SMO: variants seen among roughly 807,000 people sequenced by gnomAD.
The protein encoded by SMO is protein smoothened.
Under a neutral mutation model 81.6 loss-of-function variants are expected in SMO, and 40 were observed. That is an observed-to-expected ratio of 0.49 (90% confidence interval 0.38 to 0.64). The LOEUF (loss-of-function observed/expected upper bound fraction) is 0.64. Among genes scored for constraint, SMO ranks in the 30% least tolerant of loss-of-function variants. The pLI, the probability that SMO is intolerant of heterozygous loss-of-function variation, is 0.00. For missense variants in SMO, 916 were observed against 1,061.1 expected, an observed-to-expected ratio of 0.86 and a Z score of 1.90; for synonymous variants, 434 against 432.1, an observed-to-expected ratio of 1.00 and a Z score of -0.05.
In SMO at chr7:129,205,585, A is replaced by T. The variant is rs557001783; in HGVS notation, c.748-25A>T. 4 of 1,605,728 alleles carry T rather than the reference A, an allele frequency of 2.5e-6. No individual in the cohort carries two copies. In the South Asian group the frequency reaches 3.3e-5, roughly 13 times the overall value. On this transcript the variant is annotated intron_variant, in intron 3 of 11. Coordinates refer to ENST00000249373, the MANE Select transcript of SMO (RefSeq NM_005631.5). ...GTCAGCAGAATAACCCTAACCTCAC[A>T]GAATGGCCCACTTCTCTCTTCTAGG... is the stretch of plus-strand genomic sequence containing the variant.
intron 1 of SMO, among the ~76,000 whole-genome samples, chr7:129,194,267 G>A (rs1307882332): frequency 6.6e-6 from 1 of 152,000 alleles, no homozygotes; most frequent in East Asian, 1.9e-4. Flanking sequence ...TGTTGCCCAG[G>A]CTGGAGTGCA....
At chr7:129,199,182 C>CTT (rs71526090) in intron 1 of SMO, among the ~76,000 whole-genome samples, 58,570 of 126,364 alleles carry the variant, frequency 0.46, 13,979 homozygotes, top group Non-Finnish European at 0.54. Flanking sequence ...ATTTTCTTTT[C>CTT]TTTTTTTTTT....
At chr7:129,195,963 CGGT>C (rs1563146355) in intron 1 of SMO, among the ~76,000 whole-genome samples, 1 of 151,490 alleles carries the variant, frequency 6.6e-6, no homozygotes, top group Non-Finnish European at 1.5e-5. Context: ...TAGCCGGGCG[CGGT>C]GGTGGGCGCC....
chr7:129,203,394 TG>T lies in SMO; in HGVS notation c.343del (p.Ala115ProfsTer7). 6.4e-7 allele frequency: 1 copy of T among 1,551,746 alleles called. No homozygotes were observed. Among genetic ancestry groups the T allele is most frequent in the Non-Finnish European group, 8.7e-7 (1 of 1,147,284 alleles). Reference protein sequence around the residue: ...KLVLWSGLRNAPRCWAVIQPL... With the variant: ...KLVLWSGLRNXPRCWAVIQPL... ...TGTTGCCACCCCCAGGCCTCCGGAA[TG>T]CCCCCCGCTGCTGGGCAGTGATCCA... is the stretch of plus-strand genomic sequence containing the variant. On this transcript the variant is annotated frameshift_variant, in exon 2 of 12. Coordinates refer to ENST00000249373, the MANE Select transcript of SMO (RefSeq NM_005631.5). LOFTEE classifies it high-confidence loss of function.
In SMO at chr7:129,206,133, C is replaced by G. The variant is rs766125257; in HGVS notation, c.921-17C>G. ...ACAGAGTGACCGCCTCAAGTGACAC[C>G]TCACCTCTCTGCACAGCTCCAATGA... On this transcript the variant is annotated splice_polypyrimidine_tract_variant and intron_variant, in intron 4 of 11. Transcript: ENST00000249373. This position sits in a 1 kb window ranked among gnomAD's most constrained non-coding sequence, Gnocchi z 4.4. 1.2e-5 allele frequency: 19 copies of G among 1,567,366 alleles called. No individual in the cohort carries two copies. The highest frequency in any genetic ancestry group is 1.5e-5 in the Non-Finnish European group (17 of 1,151,016).
rs2150651088 is a variant in SMO at position 129,206,687 on chromosome 7, C to T, written c.1264+100C>T. 3 of 1,296,094 alleles carry T rather than the reference C, an allele frequency of 2.3e-6. No individual in the cohort carries two copies. Among genetic ancestry groups the T allele is most frequent in the Non-Finnish European group, 3.2e-6 (3 of 930,308 alleles). The allele number at this position is 1,296,094 out of a possible 1,614,324, so 80.3% of individuals were successfully genotyped here. A position where few individuals can be genotyped will look rare whatever the true frequency, so the allele number is the denominator to read the frequency against. ...CAGCACGGCTGCCCCCATGCTGAAA[C>T]CCCAGCTAGCTCCTATAGGGCCTTC... On this transcript the variant is annotated intron_variant, in intron 6 of 11. Transcript: ENST00000249373. The surrounding 1 kb of genome is among the most constrained non-coding windows in gnomAD (Gnocchi z 4.4).
intron 1 of SMO, among the ~76,000 whole-genome samples, chr7:129,194,006 A>G (rs940565042): frequency 6.7e-5 from 10 of 150,216 alleles, no homozygotes; most frequent in Non-Finnish European, 1.3e-4. Context: ...AGGCTGAGGC[A>G]AAAGGATCGC....
chr7:129,211,828 T>C lies in SMO; in HGVS notation c.1936+58T>C, dbSNP rs1305826601. On this transcript the variant is annotated intron_variant, in intron 11 of 11. Transcript: ENST00000249373. This position sits in a 1 kb window ranked among gnomAD's most constrained non-coding sequence, Gnocchi z 4.6. ...GGGGAGCACAGAGGCTGGGGGCTTC[T>C]GGGACTGGAGTACAGGGGCTGTCGG... 4 of 1,604,018 alleles carry C rather than the reference T, an allele frequency of 2.5e-6. No homozygotes were observed. The African/African-American group carries it at 4.0e-5, about 16-fold the overall frequency.
rs562998381 is a variant in SMO, at chr7:129,201,724, A to G, written c.332-1660A>G. Among the ~76,000 whole-genome samples, 5 of 152,118 alleles carry G rather than the reference A, an allele frequency of 3.3e-5. No individual in the cohort carries two copies. In the East Asian group the frequency reaches 5.8e-4, roughly 18 times the overall value. ...GAGGCAGAGTCTCATTCTTTTGCCC[A>G]GGCTGGAGTGCAGTGGCGCCATCTC... On this transcript the variant is annotated intron_variant, in intron 1 of 11. Transcript: ENST00000249373.
At chr7:129,209,490 A>T in intron 8 of SMO, 93 bp downstream of exon 8, 2 of 764,270 alleles carry the variant, frequency 2.6e-6, no homozygotes, top group Non-Finnish European at 4.6e-6. Flanking sequence ...GGGATTTGCC[A>T]GGTCCCTGCT....
At chr7:129,196,038 T>C (rs544275223) in intron 1 of SMO, among the ~76,000 whole-genome samples, 2 of 150,600 alleles carry the variant, frequency 1.3e-5, no homozygotes, top group African/African-American at 4.9e-5. Context: ...GAGGCGGAGC[T>C]TGCAGTGAGC....
chr7:129,199,182 C>CTTTTTTTTTTT (rs71526090), intron 1 of SMO, among the ~76,000 whole-genome samples: 1 of 126,650 alleles, frequency 7.9e-6, no homozygotes, highest in Non-Finnish European at 1.6e-5. Context: ...ATTTTCTTTT[C>CTTTTTTTTTTT]TTTTTTTTTT....
In SMO at chr7:129,208,615, GTC is replaced by G. The variant is rs777670342; in HGVS notation, c.1265-140_1265-139del. 76 of 604,196 alleles carry G rather than the reference GTC, an allele frequency of 1.3e-4. No homozygotes were observed. Among genetic ancestry groups the G allele is most frequent in the Non-Finnish European group, 1.8e-4 (61 of 329,812 alleles). 37.4% of individuals were successfully genotyped at this position (604,196 alleles called of 1,614,324 possible). Reference sequence around the variant, plus strand: ...CTGGTCTTCTCACCATTTCTCCAGTGTCTCTAGCTCCCCAGGTTTTCATTTAG... The same window carrying G: ...CTGGTCTTCTCACCATTTCTCCAGTGTCTAGCTCCCCAGGTTTTCATTTAG... On this transcript the variant is annotated intron_variant, in intron 6 of 11. Transcript: ENST00000249373. The surrounding 1 kb of genome is among the most constrained non-coding windows in gnomAD (Gnocchi z 5.2).
rs564808353 is a variant in SMO, at chr7:129,193,691, A to G, written c.331+4209A>G. 2.5e-3 allele frequency among the ~76,000 whole-genome samples: 342 copies of G among 135,914 alleles called. 1 individual carries two copies. The highest frequency in any genetic ancestry group is 4.5e-3 in the African/African-American group (163 of 35,964). The allele number at this position is 135,914 out of a possible 152,430, so 89.2% of individuals were successfully genotyped here. Reference sequence around the variant, plus strand: ...GGAGAATGGCGGGAACCCGGGAGGCAGAGCTTGCAGTAAGCCGAGATCACG... The same window carrying G: ...GGAGAATGGCGGGAACCCGGGAGGCGGAGCTTGCAGTAAGCCGAGATCACG... On this transcript the variant is annotated intron_variant, in intron 1 of 11. Transcript: ENST00000249373.
Position 129,189,321 on chromosome 7 carries a change from C to T in SMO, c.170C>T (p.Pro57Leu), listed in dbSNP as rs2150638133. 6.7e-7 allele frequency: 1 copy of T among 1,501,218 alleles called. No individual in the cohort carries two copies. Among genetic ancestry groups the T allele is most frequent in the Non-Finnish European group, 8.8e-7 (1 of 1,132,668 alleles). 93.0% of individuals were successfully genotyped at this position (1,501,218 alleles called of 1,614,324 possible). The change falls in exon 1 of 12, where the codon CCT becomes CTT. Residue 57 changes from proline to leucine, a missense_variant. Coordinates refer to ENST00000249373, the MANE Select transcript of SMO (RefSeq NM_005631.5). The surrounding 1 kb of genome is among the most constrained non-coding windows in gnomAD (Gnocchi z 4.7). ...AGGAGGAGCGCGGCGGTGACTGGCC[C>T]TCCGCCGCCGCTGAGCCACTGCGGC... The part of the protein sequence containing the change: ...SARRSAAVTG[P>L]PPPLSHCGRA...
At chr7:129,207,392 T>C (rs948699157) in intron 6 of SMO, among the ~76,000 whole-genome samples, 1 of 152,284 alleles carries the variant, frequency 6.6e-6, no homozygotes, top group African/African-American at 2.4e-5. Context: ...CTAACTTTCC[T>C]GTCTCATGCT....
chr7:129,189,022 GGGCCCGGATT>G lies in SMO; in HGVS notation c.-129_-120del. The G allele has an allele frequency of 1.3e-6, 1 of 782,280 alleles. No homozygotes were observed. The highest frequency in any genetic ancestry group is 1.7e-6 in the Non-Finnish European group (1 of 585,488). 48.5% of individuals were successfully genotyped at this position (782,280 alleles called of 1,614,324 possible). ...GCGCGCGGAGCGTCCGGGGGGGCCC[GGGCCCGGATT>G]CTCTGGGCGCACAGGTCGCCTGAGC... is the stretch of plus-strand genomic sequence containing the variant. On this transcript the variant is annotated 5_prime_UTR_variant, in exon 1 of 12. It removes the in-frame stop codon of an upstream open reading frame in the 5' UTR. Transcript: ENST00000249373. The surrounding 1 kb of genome is among the most constrained non-coding windows in gnomAD (Gnocchi z 4.7).
In SMO at chr7:129,205,370, G is replaced by C. The variant is rs375021251; in HGVS notation, c.705G>C (p.Ala235=). 6.2e-7 allele frequency: 1 copy of C among 1,612,622 alleles called. No individual in the cohort carries two copies. The highest frequency in any genetic ancestry group is 8.5e-7 in the Non-Finnish European group (1 of 1,179,432). Residue 235 remains alanine (A), a synonymous_variant, in exon 3 of 12, where the codon GCG becomes GCC. Transcript: ENST00000249373. ...AEHQDMHSYI[A]AFGAVTGLCT... ...ACCAGGACATGCACAGCTACATCGC[G>C]GCCTTCGGGGCCGTCACGGGCCTCT...
In SMO at chr7:129,203,543, C is replaced by T; in HGVS notation, c.491C>T (p.Pro164Leu). 2 of 1,605,354 alleles carry T rather than the reference C, an allele frequency of 1.2e-6. No homozygotes were observed. The highest frequency in any genetic ancestry group is 2.2e-5 in the East Asian group (1 of 44,868). The change falls in exon 2 of 12, where the codon CCT (proline) becomes CTT (leucine). Residue 164 changes from proline (P) to leucine (L), a missense_variant. Pro to Leu is a moderately conservative substitution (Grantham distance 98). Coordinates refer to ENST00000249373, the MANE Select transcript of SMO (RefSeq NM_005631.5). The part of the protein sequence containing the change: ...CAIVERERGW[P>L]DFLRCTPDRF... ...ATCGTGGAGAGGGAGCGGGGCTGGC[C>T]TGACTTCCTGCGCTGCACTCCTGAC...
Sources: allele counts gnomAD v4.1 joint callset (sites outside exome capture counted in the v4.1 genomes callset), GRCh38; gene constraint gnomAD v4.1.1; non-coding constraint Gnocchi (gnomAD v3.1); transcripts MANE v1.5; gene names NCBI Gene and HGNC (gene_info 2026-07-23, HGNC 2026-07-21).